The following MMRN1 variants were observed in gnomAD, a reference collection of about 807,000 sequenced individuals.
MMRN1 encodes multimerin 1, also known as multimerin-1.
Under a neutral mutation model 100.7 loss-of-function variants are expected in MMRN1, and 94 were observed. The observed-to-expected ratio is 0.93, with a 90% CI of 0.79 to 1.11. The LOEUF (loss-of-function observed/expected upper bound fraction) is 1.11. Among genes scored for constraint, MMRN1 ranks in the 50% least tolerant of loss-of-function variants. The pLI, the probability that MMRN1 is intolerant of heterozygous loss-of-function variation, is 0.00. For missense variants in MMRN1, 1,606 were observed against 1,439.1 expected, an observed-to-expected ratio of 1.12 and a Z score of -1.88; for synonymous variants, 575 against 505.0, an observed-to-expected ratio of 1.14 and a Z score of -1.86.
chr4:89,942,603 A>G (rs1318784959), intron 6 of MMRN1, among the ~76,000 whole-genome samples: 1 of 152,156 alleles, frequency 6.6e-6, no homozygotes, highest in Non-Finnish European at 1.5e-5. Context: ...AGAAATAATT[A>G]TTATTTTAGG....
chr4:89,922,690 T>C (rs903346370), intron 3 of MMRN1, among the ~76,000 whole-genome samples: 1 of 152,150 alleles, frequency 6.6e-6, no homozygotes, highest in African/African-American at 2.4e-5. Flanking sequence ...TCCATTTAAG[T>C]GGCACTATTA....
Position 89,944,574 on chromosome 4 carries a change from G to A in MMRN1, c.3119-7031G>A, listed in dbSNP as rs183487367. Reference sequence around the variant, plus strand: ...GTTATATCTCATTGTAATTAGGGAAGCAGATTTCACAGCTATATGGATGAG... The same window carrying A: ...GTTATATCTCATTGTAATTAGGGAAACAGATTTCACAGCTATATGGATGAG... On this transcript the variant is annotated intron_variant, in intron 6 of 7. Transcript: ENST00000264790. Among the ~76,000 whole-genome samples, 274 of 152,236 alleles carry A rather than the reference G, an allele frequency of 1.8e-3. 1 individual carries two copies. The highest frequency in any genetic ancestry group is 3.2e-3 in the Non-Finnish European group (218 of 68,018).
chr4:89,953,304 C>T lies in MMRN1; in HGVS notation c.3573C>T (p.Ala1191=), dbSNP rs1335346024. 1 of 1,613,602 alleles carries T rather than the reference C, an allele frequency of 6.2e-7. No homozygotes were observed. Among genetic ancestry groups the T allele is most frequent in the Non-Finnish European group, 8.5e-7 (1 of 1,179,826 alleles). Reference sequence around the variant, plus strand: ...GTGATAGGGTTTTAACTGGGGATGCCTTATTAGAATTAAATTATGGGCAGG... The same window carrying T: ...GTGATAGGGTTTTAACTGGGGATGCTTTATTAGAATTAAATTATGGGCAGG... ...IHCDRVLTGD[A]LLELNYGQEV... The change falls in exon 8 of 8, where the codon GCC becomes GCT. Residue 1191 remains alanine (A), a synonymous_variant. Coordinates refer to ENST00000264790, the MANE Select transcript of MMRN1 (RefSeq NM_007351.3).
At chr4:89,882,270 T>G (rs1720837182) in intron 1 of MMRN1, among the ~76,000 whole-genome samples, 1 of 151,272 alleles carries the variant, frequency 6.6e-6, no homozygotes, top group African/African-American at 2.4e-5. Context: ...TATTGAAACA[T>G]TTCTATCAAT....
chr4:89,928,945 T>A (rs550326113), intron 5 of MMRN1, among the ~76,000 whole-genome samples: 2 of 152,188 alleles, frequency 1.3e-5, no homozygotes. Flanking sequence ...CAGAGATTTA[T>A]GTATAGTGAG....
intron 1 of MMRN1, among the ~76,000 whole-genome samples, chr4:89,886,548 G>A (rs568021521): frequency 8.6e-5 from 13 of 152,042 alleles, no homozygotes; most frequent in Admixed American, 5.2e-4. Flanking sequence ...ATATCAATTA[G>A]GTCCAATTGG....
chr4:89,888,790 A>T (rs1232913262), intron 1 of MMRN1, among the ~76,000 whole-genome samples: 2 of 152,012 alleles, frequency 1.3e-5, no homozygotes, highest in African/African-American at 2.4e-5. Context: ...TCAACTTTTT[A>T]AAAAATAATT....
chr4:89,933,439 A>G (rs980912647), intron 5 of MMRN1, among the ~76,000 whole-genome samples: 3 of 152,184 alleles, frequency 2.0e-5, no homozygotes, highest in Admixed American at 2.0e-4. Flanking sequence ...CACTCTATTG[A>G]TAACCATACC....
chr4:89,935,914 A>G lies in MMRN1; in HGVS notation c.2234A>G (p.Asn745Ser). 2 of 1,609,646 alleles carry G rather than the reference A, an allele frequency of 1.2e-6. No individual in the cohort carries two copies. The highest frequency in any genetic ancestry group is 4.5e-5 in the East Asian group (2 of 44,806). ...AATGCTATTGATTTCATTCAAGATA[A>G]CTATGCCCTAAAAGAGACTTTAAGT... ...INNAIDFIQD[N>S]YALKETLSTI... The change falls in exon 6 of 8, where the codon AAC (asparagine) becomes AGC (serine). Residue 745 changes from asparagine (N) to serine (S), a missense_variant. Asn to Ser is a conservative substitution (Grantham distance 46). Coordinates refer to ENST00000264790, the MANE Select transcript of MMRN1 (RefSeq NM_007351.3).
Position 89,951,642 on chromosome 4 carries a change from T to C in MMRN1, c.3156T>C (p.Asn1052=), listed in dbSNP as rs756553559. ...GCTGTAGTCGGCATCCGTGCCAAAA[T>C]GGGGGCACGTGCATAAATGGAAGAA... ...YSSCSRHPCQ[N]GGTCINGRTS... The change falls in exon 7 of 8, where the codon AAT becomes AAC. Residue 1052 remains asparagine (N), a synonymous_variant. Transcript: ENST00000264790. The C allele has an allele frequency of 4.5e-6, 7 of 1,549,646 alleles. No homozygotes were observed. The highest frequency in any genetic ancestry group is 2.4e-5 in the East Asian group (1 of 41,512).
intron 1 of MMRN1, among the ~76,000 whole-genome samples, chr4:89,881,833 G>A (rs1161008246): frequency 1.3e-5 from 2 of 152,074 alleles, no homozygotes; most frequent in East Asian, 1.9e-4. Flanking sequence ...GAGCTAAACA[G>A]TAATGAGTCT....
chr4:89,912,438 G>A (rs189728067), intron 3 of MMRN1, among the ~76,000 whole-genome samples: 43 of 151,172 alleles, frequency 2.8e-4, no homozygotes, highest in African/African-American at 8.5e-4. Context: ...TTTTGTTCCA[G>A]TTCAGTTATT....
chr4:89,895,521 C>G lies in MMRN1; in HGVS notation c.550C>G (p.Leu184Val). 6.2e-7 allele frequency: 1 copy of G among 1,613,770 alleles called. No individual in the cohort carries two copies. The highest frequency in any genetic ancestry group is 8.5e-7 in the Non-Finnish European group (1 of 1,179,884). The change falls in exon 1 of 8, where the codon CTC becomes GTC. Residue 184 changes from leucine to valine, a missense_variant. Leu to Val is a conservative substitution (Grantham distance 32). Coordinates refer to ENST00000264790, the MANE Select transcript of MMRN1 (RefSeq NM_007351.3). ...AAATCGAGCCCCACGGGAAACATACCTCAGCCGGGGTGACAGCAGTTCCAG... is the reference window on the plus strand; with the variant it reads ...AAATCGAGCCCCACGGGAAACATACGTCAGCCGGGGTGACAGCAGTTCCAG... ...VGNRAPRETY[L>V]SRGDSSSSQR...
chr4:89,918,359 A>G (rs1306917406), intron 3 of MMRN1, among the ~76,000 whole-genome samples: 1 of 151,784 alleles, frequency 6.6e-6, no homozygotes, highest in African/African-American at 2.4e-5. Flanking sequence ...TTATTTTTTA[A>G]AAAAGTCTAT....
Position 89,929,479 on chromosome 4 carries a change from C to A in MMRN1, c.1129+1511C>A, listed in dbSNP as rs141302502. 1.9e-3 allele frequency among the ~76,000 whole-genome samples: 289 copies of A among 152,066 alleles called. 1 individual carries two copies. Among genetic ancestry groups the A allele is most frequent in the African/African-American group, 6.7e-3 (277 of 41,490 alleles). On this transcript the variant is annotated intron_variant, in intron 5 of 7. Transcript: ENST00000264790. ...GCATGAGAAGGAAACATTTTTCCCC[C>A]CTGAAGTGACAGCATGAGAAAGAAG...
At chr4:89,952,427 T>C (rs547633666) in intron 7 of MMRN1, among the ~76,000 whole-genome samples, 2 of 152,232 alleles carry the variant, frequency 1.3e-5, no homozygotes, top group Non-Finnish European at 2.9e-5. Flanking sequence ...ATATCCTGCA[T>C]AGTGAAATGT....
In MMRN1 at chr4:89,936,174, T is replaced by G. The variant is rs1396108643; in HGVS notation, c.2494T>G (p.Ser832Ala). 2.5e-6 allele frequency: 4 copies of G among 1,611,078 alleles called. No individual in the cohort carries two copies. Among genetic ancestry groups the G allele is most frequent in the Non-Finnish European group, 3.4e-6 (4 of 1,179,226 alleles). ...KMYQMFNETT[S>A]QVRKYQQNMS... ...GTATCAAATGTTCAATGAAACCACT[T>G]CCCAAGTGAGAAAATACCAGCAAAA... The change falls in exon 6 of 8, where the codon TCC becomes GCC. Residue 832 changes from serine to alanine, a missense_variant. Physicochemically the swap from Ser to Ala is moderately conservative, Grantham distance 99 (BLOSUM62 1). Coordinates refer to ENST00000264790, the MANE Select transcript of MMRN1 (RefSeq NM_007351.3).
At chr4:89,893,937 T>A (rs936668891), upstream of MMRN1, among the ~76,000 whole-genome samples, 4 of 152,112 alleles carry the variant, frequency 2.6e-5, no homozygotes, top group African/African-American at 9.6e-5. Flanking sequence ...ATAAATCTCA[T>A]GAAACATCTC....
chr4:89,951,631 C>T lies in MMRN1; in HGVS notation c.3145C>T (p.Pro1049Ser), dbSNP rs750742455. The T allele has an allele frequency of 1.3e-6, 2 of 1,538,678 alleles. No homozygotes were observed. Among genetic ancestry groups the T allele is most frequent in the Non-Finnish European group, 1.7e-6 (2 of 1,147,078 alleles). ...GGAGTATTCAAGCTGTAGTCGGCATCCGTGCCAAAATGGGGGCACGTGCAT... is the reference window on the plus strand; with the variant it reads ...GGAGTATTCAAGCTGTAGTCGGCATTCGTGCCAAAATGGGGGCACGTGCAT... The part of the protein sequence containing the change: ...PEEYSSCSRH[P>S]CQNGGTCING... Residue 1049 changes from proline to serine, a missense_variant, in exon 7 of 8, where the codon CCG becomes TCG. By Grantham distance (74) the Pro-to-Ser change is moderately conservative. Transcript: ENST00000264790.
Sources: allele counts gnomAD v4.1 joint callset (sites outside exome capture counted in the v4.1 genomes callset), GRCh38; gene constraint gnomAD v4.1.1; transcripts MANE v1.5; gene names NCBI Gene and HGNC (gene_info 2026-07-23, HGNC 2026-07-21).